FAM149A: variants seen among roughly 807,000 people sequenced by gnomAD.
FAM149A encodes the protein family with sequence similarity 149 member A.
FAM149A carries 71 observed loss-of-function variants against 78.2 expected under a neutral mutation model. That is an observed-to-expected ratio of 0.91 (90% confidence interval 0.75 to 1.11). FAM149A has a LOEUF of 1.11. Ranked by LOEUF, FAM149A falls within the 50% of genes least tolerant of loss-of-function variation. FAM149A has a pLI of 0.00. For missense variants in FAM149A, 1,036 were observed against 971.0 expected (o/e 1.07, Z -0.89); for synonymous variants, 446 against 410.5 (o/e 1.09, Z -1.04).
intron 1 of FAM149A, among the ~76,000 whole-genome samples, chr4:186,121,903 C>T (rs940567067): frequency 1.2e-4 from 18 of 152,138 alleles, no homozygotes; most frequent in African/African-American, 4.3e-4. Context: ...CTGACTCAAG[C>T]GCCCCTGTGA....
At chr4:186,158,794 G>C in intron 8 of FAM149A, 13 of 1,019,662 alleles carry the variant, frequency 1.3e-5, no homozygotes, top group Non-Finnish European at 1.5e-5. Flanking sequence ...CTGTTCTGCA[G>C]CTCCCAATGC....
intron 1 of FAM149A, chr4:186,116,454 A>G (rs1715056): frequency 0.71 from 696,955 of 982,330 alleles, 247,676 homozygotes; most frequent in South Asian, 0.72. Context: ...TCATATGACC[A>G]TTACTGTCAT....
At chr4:186,160,442 A>G (rs1176070784) in intron 8 of FAM149A, among the ~76,000 whole-genome samples, 1 of 144,744 alleles carries the variant, frequency 6.9e-6, no homozygotes, top group Non-Finnish European at 1.5e-5. Flanking sequence ...CCAAACATAT[A>G]TCCCACACAA....
Position 186,144,475 on chromosome 4 carries a change from A to G in FAM149A, c.567-4698A>G, listed in dbSNP as rs1318340561. The G allele has an allele frequency of 6.6e-6, 1 of 152,314 alleles. No homozygotes were observed. The highest frequency in any genetic ancestry group is 1.9e-4 in the East Asian group (1 of 5,170). 9.4% of individuals were successfully genotyped at this position (152,314 alleles called of 1,614,324 possible). A position where few individuals can be genotyped will look rare whatever the true frequency, so the allele number is the denominator to read the frequency against. The stretch of plus-strand genomic sequence containing the variant: ...ACCTCATTCGTCCACTCCCCACCCC[A>G]GCCTGGTGTGCGCACCCTTTGATGG... On this transcript the variant is annotated intron_variant, in intron 1 of 13. Transcript: ENST00000389354. This position sits in a 1 kb window ranked among gnomAD's most constrained non-coding sequence, Gnocchi z 4.2.
intron 1 of FAM149A, among the ~76,000 whole-genome samples, chr4:186,148,074 C>T (rs972236138): frequency 2.6e-5 from 4 of 152,258 alleles, no homozygotes; most frequent in Non-Finnish European, 4.4e-5. Context: ...TGCCTGTAAT[C>T]CCAGCACTTT....
chr4:186,170,044 C>A (rs956286981), intron 13 of FAM149A: 4 of 650,272 alleles, frequency 6.2e-6, no homozygotes, highest in African/African-American at 5.9e-5. Flanking sequence ...TATGTCCAGG[C>A]CCCCTCAGGA....
At chr4:186,140,304 T>G (rs894159343) in intron 1 of FAM149A, among the ~76,000 whole-genome samples, 3 of 152,170 alleles carry the variant, frequency 2.0e-5, no homozygotes, top group African/African-American at 7.2e-5. Flanking sequence ...CCACTTTTTA[T>G]TTTTATTTTT....
At chr4:186,138,317 G>A (rs939277619) in intron 1 of FAM149A, among the ~76,000 whole-genome samples, 8 of 152,178 alleles carry the variant, frequency 5.3e-5, no homozygotes, top group Admixed American at 1.3e-4. Context: ...CGTGATTGTG[G>A]AGGCTTGGTA....
In FAM149A at chr4:186,149,599, C is replaced by G; in HGVS notation, c.684C>G (p.Ser228Arg). The change falls in exon 3 of 14, where the codon AGC (serine) becomes AGG (arginine). Residue 228 changes from serine (S) to arginine (R), a missense_variant. Around this residue, in one of 3 missense-constraint regions of FAM149A, gnomAD observed 716 missense variants for 711.8 expected, o/e 1.01. Transcript: ENST00000389354. ...TGTCATCCTTTTCCTCCAGCGGAAG[C>G]CATACACCCACGGGAGCCCACACCT... 1 of 1,289,950 alleles carries G rather than the reference C, an allele frequency of 7.8e-7. No individual in the cohort carries two copies. Among genetic ancestry groups the G allele is most frequent in the Non-Finnish European group, 1.0e-6 (1 of 988,900 alleles). 79.9% of individuals were successfully genotyped at this position (1,289,950 alleles called of 1,614,324 possible). A position where few individuals can be genotyped will look rare whatever the true frequency, so the allele number is the denominator to read the frequency against.
In FAM149A at chr4:186,104,982, C is replaced by T; in HGVS notation, c.-95C>T. The T allele has an allele frequency of 7.4e-6, 9 of 1,215,634 alleles. No individual in the cohort carries two copies. The highest frequency in any genetic ancestry group is 1.4e-5 in the South Asian group (1 of 70,884). 75.3% of individuals were successfully genotyped at this position (1,215,634 alleles called of 1,614,324 possible). A position where few individuals can be genotyped will look rare whatever the true frequency, so the allele number is the denominator to read the frequency against. On this transcript the variant is annotated 5_prime_UTR_variant, in exon 1 of 14. Transcript: ENST00000389354. ...CCTCCGGGGCTCCGGGTGCGGGGAC[C>T]TCAGGCTCCTCGCCCCGGCCCGGGC...
At chr4:186,163,688 C>T (rs1734796017) in intron 10 of FAM149A, 55 bp downstream of exon 10, 8 of 1,313,230 alleles carry the variant, frequency 6.1e-6, no homozygotes, top group African/African-American at 1.5e-5. Flanking sequence ...CTAGATGCTT[C>T]TCAGTTAGGG....
chr4:186,143,916 G>A (rs1325196479), intron 1 of FAM149A: 2 of 152,134 alleles, frequency 1.3e-5, no homozygotes, highest in Non-Finnish European at 2.9e-5. Flanking sequence ...GTAAAAACTC[G>A]GAAATACATG....
At chr4:186,161,116 T>C (rs1398375397) in intron 8 of FAM149A, among the ~76,000 whole-genome samples, 2 of 152,208 alleles carry the variant, frequency 1.3e-5, no homozygotes, top group African/African-American at 4.8e-5. Flanking sequence ...TAATTAGATG[T>C]AATGTTTTGT....
At chr4:186,109,516 G>T in intron 1 of FAM149A, 4 of 985,344 alleles carry the variant, frequency 4.1e-6, no homozygotes, top group South Asian at 9.4e-5. Flanking sequence ...ACCTCAAACC[G>T]ATTGCTAGCT....
intron 1 of FAM149A, chr4:186,132,043 C>G (rs1330697484): frequency 1.0e-6 from 1 of 985,272 alleles, no homozygotes; most frequent in Admixed American, 6.2e-5. Context: ...GATTGGAACA[C>G]AAAACACAAA....
chr4:186,156,775 G>C (rs1013809803), intron 7 of FAM149A, among the ~76,000 whole-genome samples: 3 of 152,110 alleles, frequency 2.0e-5, no homozygotes, highest in Non-Finnish European at 2.9e-5. Flanking sequence ...GGCCAGCTCA[G>C]CTTGGGCAAC....
intron 13 of FAM149A, chr4:186,170,017 T>A: frequency 1.2e-6 from 1 of 851,260 alleles, no homozygotes; most frequent in Non-Finnish European, 1.4e-6. Flanking sequence ...TCATCCCCAT[T>A]TGGGGAGTGG....
chr4:186,150,105 A>G (rs1733359211), intron 3 of FAM149A, among the ~76,000 whole-genome samples: 1 of 147,232 alleles, frequency 6.8e-6, no homozygotes, highest in Non-Finnish European at 1.5e-5. Flanking sequence ...TCCCAGTCGG[A>G]TATTTCACCT....
At chr4:186,136,954 CTCTCTCTCTT>C (rs879367456) in intron 1 of FAM149A, among the ~76,000 whole-genome samples, 2,570 of 110,908 alleles carry the variant, frequency 0.023, 72 homozygotes, top group Non-Finnish European at 0.03. Flanking sequence ...CTCTCTCTCT[CTCTCTCTCTT>C]TCTCTCTCTC....
Sources: allele counts gnomAD v4.1 joint callset (sites outside exome capture counted in the v4.1 genomes callset), GRCh38; gene constraint gnomAD v4.1.1; regional missense constraint gnomAD v4.1.1; non-coding constraint Gnocchi (gnomAD v3.1); transcripts MANE v1.5; gene names NCBI Gene and HGNC (gene_info 2026-07-23, HGNC 2026-07-21).